Variants in DNM1 observed in about 807,000 individuals in gnomAD.
DNM1 encodes the protein dynamin 1, also known as dynamin-1.
DNM1 carries 29 observed loss-of-function variants against 104.6 expected under a neutral mutation model. The observed-to-expected ratio is 0.28, with a 90% confidence interval of 0.21 to 0.38. DNM1 has a LOEUF of 0.38. Ranked by LOEUF, DNM1 falls within the 10% of genes least tolerant of loss-of-function variation. The probability of loss-of-function intolerance (pLI) is 1.00; values close to 1 mark genes in which losing one functional copy is unlikely to be tolerated. For synonymous variants in DNM1, 445 were observed against 475.8 expected (o/e 0.94, Z 0.84); for missense variants, 640 against 1,189.4 (o/e 0.54, Z 6.79).
chr9:128,212,472 TGGAA>T (rs1012698596), intron 1 of DNM1, among the ~76,000 whole-genome samples: 3 of 151,500 alleles, frequency 2.0e-5, no homozygotes, highest in Non-Finnish European at 4.4e-5. Flanking sequence ...AAGACCCGGC[TGGAA>T]GGAAGGAAGG....
chr9:128,246,042 G>T (rs989129415), intron 15 of DNM1, among the ~76,000 whole-genome samples: 1 of 152,182 alleles, frequency 6.6e-6, no homozygotes, highest in Non-Finnish European at 1.5e-5. Context: ...AGTCAGAGGC[G>T]GCCAGGCCGG....
intron 1 of DNM1, among the ~76,000 whole-genome samples, chr9:128,205,867 G>A (rs895000712): frequency 7.2e-5 from 11 of 152,160 alleles, no homozygotes; most frequent in East Asian, 1.9e-4. Context: ...GGTTTGGACC[G>A]TGCCCCAGGA....
chr9:128,228,854 GTGCC>G (rs1430508850), intron 10 of DNM1, among the ~76,000 whole-genome samples: 22 of 151,930 alleles, frequency 1.4e-4, no homozygotes, highest in African/African-American at 5.1e-4. Flanking sequence ...ATGGTGGCAC[GTGCC>G]TGTAGTCCCA....
At chr9:128,226,295 G>A in intron 10 of DNM1, 1 of 1,434,934 alleles carries the variant, frequency 7.0e-7, no homozygotes, top group Non-Finnish European at 9.3e-7. Flanking sequence ...CAGCCCTAGT[G>A]TTTCCTGCCA....
intron 6 of DNM1, among the ~76,000 whole-genome samples, chr9:128,221,947 A>G (rs1447645838): frequency 6.6e-6 from 1 of 152,200 alleles, no homozygotes; most frequent in African/African-American, 2.4e-5. Context: ...ATTGGCCAAA[A>G]ATCAGGAAAT....
In DNM1 at chr9:128,245,771, C is replaced by T. The variant is rs1030628374; in HGVS notation, c.1672-623C>T. 3.3e-5 allele frequency among the ~76,000 whole-genome samples: 5 copies of T among 152,232 alleles called. No individual in the cohort carries two copies. Among genetic ancestry groups the T allele is most frequent in the Non-Finnish European group, 7.3e-5 (5 of 68,038 alleles). On this transcript the variant is annotated intron_variant, in intron 15 of 21. Coordinates refer to ENST00000372923, the MANE Select transcript of DNM1 (RefSeq NM_004408.4). This position sits in a 1 kb window ranked among gnomAD's most constrained non-coding sequence, Gnocchi z 5.2. ...TGAGATGCAGACACGCTGACACCGACACATGGTTCATGCTGGGCACCTCCC... is the reference window on the plus strand; with the variant it reads ...TGAGATGCAGACACGCTGACACCGATACATGGTTCATGCTGGGCACCTCCC...
rs921583863 is a variant in DNM1, at chr9:128,243,142, C to T, written c.1671+797C>T. Reference sequence around the variant, plus strand: ...GGGGCAAGGAGTGTGGGGGCCCTGCCGAGGTGCCACAAAAAACCCCTCCCC... The same window carrying T: ...GGGGCAAGGAGTGTGGGGGCCCTGCTGAGGTGCCACAAAAAACCCCTCCCC... On this transcript the variant is annotated intron_variant, in intron 15 of 21. Coordinates refer to ENST00000372923, the MANE Select transcript of DNM1 (RefSeq NM_004408.4). This position sits in a 1 kb window ranked among gnomAD's most constrained non-coding sequence, Gnocchi z 4.0. Among the ~76,000 whole-genome samples, 2 of 152,072 alleles carry T rather than the reference C, an allele frequency of 1.3e-5. No homozygotes were observed. Among genetic ancestry groups the T allele is most frequent in the African/African-American group, 4.8e-5 (2 of 41,396 alleles).
Position 128,254,293 on chromosome 9 carries a change from A to G in DNM1, c.2535-361A>G. On this transcript the variant is annotated intron_variant, in intron 21 of 21. Transcript: ENST00000372923. This position sits in a 1 kb window ranked among gnomAD's most constrained non-coding sequence, Gnocchi z 6.1. ...CCAAGGCAAGGGGTGGCCCCAGGCCAGTGGGTTGGAAGACAGGGTGACCAG... is the reference window on the plus strand; with the variant it reads ...CCAAGGCAAGGGGTGGCCCCAGGCCGGTGGGTTGGAAGACAGGGTGACCAG... The G allele has an allele frequency of 7.3e-7, 1 of 1,379,062 alleles. No homozygotes were observed. The highest frequency in any genetic ancestry group is 1.8e-5 in the South Asian group (1 of 55,368). 85.4% of individuals were successfully genotyped at this position (1,379,062 alleles called of 1,614,324 possible).
chr9:128,254,065 TCTTAGA>T lies in DNM1; in HGVS notation c.2535-584_2535-579del. On this transcript the variant is annotated intron_variant, in intron 21 of 21. Coordinates refer to ENST00000372923, the MANE Select transcript of DNM1 (RefSeq NM_004408.4). The surrounding 1 kb of genome is among the most constrained non-coding windows in gnomAD (Gnocchi z 6.1). ...GCCCCCCGACCAGCTGAGGCTCCCCTCTTAGACTTATAAGTCTATGGCCACTGGCAT... is the reference window on the plus strand; with the variant it reads ...GCCCCCCGACCAGCTGAGGCTCCCCTCTTATAAGTCTATGGCCACTGGCAT... The T allele has an allele frequency of 8.0e-7, 1 of 1,244,530 alleles. No individual in the cohort carries two copies. The highest frequency in any genetic ancestry group is 3.2e-5 in the East Asian group (1 of 31,732). The allele number at this position is 1,244,530 out of a possible 1,614,324, so 77.1% of individuals were successfully genotyped here. A position where few individuals can be genotyped will look rare whatever the true frequency, so the allele number is the denominator to read the frequency against.
chr9:128,254,251 C>T lies in DNM1; in HGVS notation c.2535-403C>T. 2 of 1,376,370 alleles carry T rather than the reference C, an allele frequency of 1.5e-6. No homozygotes were observed. Among genetic ancestry groups the T allele is most frequent in the Non-Finnish European group, 1.9e-6 (2 of 1,074,876 alleles). The allele number at this position is 1,376,370 out of a possible 1,614,324, so 85.3% of individuals were successfully genotyped here. On this transcript the variant is annotated intron_variant, in intron 21 of 21. Coordinates refer to ENST00000372923, the MANE Select transcript of DNM1 (RefSeq NM_004408.4). The surrounding 1 kb of genome is among the most constrained non-coding windows in gnomAD (Gnocchi z 6.1). ...GTTCTTTCTCTATCAGGCCTGGTGG[C>T]TGTTGCATGGGGCTCCCCAAGGCAA...
rs112610495 is a variant in DNM1, at chr9:128,248,068, C to A, written c.1905+133C>A. ...TTGGGGCCAGGCGCAGTGGCTCACA[C>A]CTGTAAACCCAACACTTTGGGAGGC... On this transcript the variant is annotated intron_variant, in intron 18 of 21. Transcript: ENST00000372923. The surrounding 1 kb of genome is among the most constrained non-coding windows in gnomAD (Gnocchi z 5.6). The A allele has an allele frequency of 2.4e-6, 3 of 1,233,094 alleles. No homozygotes were observed. In the Admixed American group the frequency reaches 5.1e-5, roughly 21 times the overall value. 76.4% of individuals were successfully genotyped at this position (1,233,094 alleles called of 1,614,324 possible).
chr9:128,222,648 A>G lies in DNM1; in HGVS notation c.1128+52A>G. 1 of 1,608,890 alleles carries G rather than the reference A, an allele frequency of 6.2e-7. No homozygotes were observed. The highest frequency in any genetic ancestry group is 8.5e-7 in the Non-Finnish European group (1 of 1,176,674). ...ATGGCTCAGGACTCCCCCCACCCTC[A>G]CTCAGGACTCTCTCTGCGTGTGTTT... On this transcript the variant is annotated intron_variant, in intron 8 of 21. Coordinates refer to ENST00000372923, the MANE Select transcript of DNM1 (RefSeq NM_004408.4). The surrounding 1 kb of genome is among the most constrained non-coding windows in gnomAD (Gnocchi z 7.8).
In DNM1 at chr9:128,254,978, G is replaced by A; in HGVS notation, c.*264G>A. ...CACATGGCCAACCGCCTCGCCTCTAGCGCTGGGAATCAGTCACTGTGCTAT... is the reference window on the plus strand; with the variant it reads ...CACATGGCCAACCGCCTCGCCTCTAACGCTGGGAATCAGTCACTGTGCTAT... On this transcript the variant is annotated 3_prime_UTR_variant, in exon 22 of 22. Coordinates refer to ENST00000372923, the MANE Select transcript of DNM1 (RefSeq NM_004408.4). This position sits in a 1 kb window ranked among gnomAD's most constrained non-coding sequence, Gnocchi z 6.1. 5 of 363,512 alleles carry A rather than the reference G, an allele frequency of 1.4e-5. No homozygotes were observed. The highest frequency in any genetic ancestry group is 2.5e-5 in the Non-Finnish European group (5 of 202,490). 22.5% of individuals were successfully genotyped at this position (363,512 alleles called of 1,614,324 possible).
chr9:128,250,751 A>G lies in DNM1; in HGVS notation c.2345A>G (p.Gln782Arg). The G allele has an allele frequency of 1.4e-6, 2 of 1,433,712 alleles. No homozygotes were observed. Among genetic ancestry groups the G allele is most frequent in the East Asian group, 3.1e-5 (1 of 32,620 alleles). The allele number at this position is 1,433,712 out of a possible 1,614,324, so 88.8% of individuals were successfully genotyped here. A position where few individuals can be genotyped will look rare whatever the true frequency, so the allele number is the denominator to read the frequency against. Reference sequence around the variant, plus strand: ...TCGCCCACGTCCAGCCCCACGCCGCAGCGCCGAGCCCCCGCCGTGCCCCCA... The same window carrying G: ...TCGCCCACGTCCAGCCCCACGCCGCGGCGCCGAGCCCCCGCCGTGCCCCCA... The part of the protein sequence containing the change: ...RRSPTSSPTP[Q>R]RRAPAVPPAR... The change falls in exon 21 of 22, where the codon CAG becomes CGG. Residue 782 changes from glutamine to arginine, a missense_variant. By Grantham distance (43) the Gln-to-Arg change is conservative (BLOSUM62 1). Around this residue, in one of 7 missense-constraint regions of DNM1, gnomAD observed 129 missense variants for 224.6 expected, o/e 0.57. Coordinates refer to ENST00000372923, the MANE Select transcript of DNM1 (RefSeq NM_004408.4).
intron 16 of DNM1, 40 bp downstream of exon 16, chr9:128,246,543 A>G (rs1836825498): frequency 6.7e-7 from 1 of 1,484,338 alleles, no homozygotes; most frequent in Non-Finnish European, 9.4e-7. Flanking sequence ...GCAGCCCCAA[A>G]ACCACCCTCA....
rs1302622127 is a variant in DNM1, at chr9:128,253,117, C to T, written c.2535-1537C>T. 6.2e-7 allele frequency: 1 copy of T among 1,608,896 alleles called. No individual in the cohort carries two copies. Among genetic ancestry groups the T allele is most frequent in the Admixed American group, 1.7e-5 (1 of 60,014 alleles). ...GTCTTTCAGAATCACTATCAGTGAC[C>T]CCTGAGGAGCGTCAGCCATGGTAGG... On this transcript the variant is annotated intron_variant, in intron 21 of 21. Coordinates refer to ENST00000372923, the MANE Select transcript of DNM1 (RefSeq NM_004408.4). The surrounding 1 kb of genome is among the most constrained non-coding windows in gnomAD (Gnocchi z 5.9).
chr9:128,218,176 GA>G lies in DNM1; in HGVS notation c.162-54del. ...CCAGGGGCCGGACAGGTACCCCTGG[GA>G]CAGAGGGCGCCCCCTCATATCTTGA... On this transcript the variant is annotated intron_variant, in intron 1 of 21. Transcript: ENST00000372923. This position sits in a 1 kb window ranked among gnomAD's most constrained non-coding sequence, Gnocchi z 4.8. 2.6e-6 allele frequency: 4 copies of G among 1,561,898 alleles called. No individual in the cohort carries two copies. The highest frequency in any genetic ancestry group is 3.5e-6 in the Non-Finnish European group (4 of 1,132,390).
At position 128,253,448 on chromosome 9, in the gene DNM1, G is replaced by A. The variant is rs1227830302; in HGVS notation, c.2535-1206G>A. ...AGCCGTCAGAGAGGGCAGAGAGCTC[G>A]TGGTTTATGGTGTAAAGGCTGGGAG... On this transcript the variant is annotated intron_variant, in intron 21 of 21. Transcript: ENST00000372923. The surrounding 1 kb of genome is among the most constrained non-coding windows in gnomAD (Gnocchi z 5.9). The A allele has an allele frequency of 6.6e-6, 3 of 451,894 alleles. No homozygotes were observed. The highest frequency in any genetic ancestry group is 2.0e-5 in the African/African-American group (1 of 50,434). 28.0% of individuals were successfully genotyped at this position (451,894 alleles called of 1,614,324 possible).
At position 128,248,369 on chromosome 9, in the gene DNM1, C is replaced by T. The variant is rs1836957568; in HGVS notation, c.1906-214C>T. 2 of 550,246 alleles carry T rather than the reference C, an allele frequency of 3.6e-6. No individual in the cohort carries two copies. The highest frequency in any genetic ancestry group is 6.4e-6 in the Non-Finnish European group (2 of 313,134). The allele number at this position is 550,246 out of a possible 1,614,324, so 34.1% of individuals were successfully genotyped here. ...CTGGATTGGGAAATTGAGGCAAATT[C>T]TAGGCACTAGAGTCAGAACCAAGAC... On this transcript the variant is annotated intron_variant, in intron 18 of 21. Coordinates refer to ENST00000372923, the MANE Select transcript of DNM1 (RefSeq NM_004408.4). This position sits in a 1 kb window ranked among gnomAD's most constrained non-coding sequence, Gnocchi z 5.6.
Sources: allele counts gnomAD v4.1 joint callset (sites outside exome capture counted in the v4.1 genomes callset), GRCh38; gene constraint gnomAD v4.1.1; regional missense constraint gnomAD v4.1.1; non-coding constraint Gnocchi (gnomAD v3.1); transcripts MANE v1.5; gene names NCBI Gene and HGNC (gene_info 2026-07-23, HGNC 2026-07-21).